Variants in TFAP2D observed in about 807,000 individuals in gnomAD.
TFAP2D encodes transcription factor AP-2 delta.
A neutral mutation model predicts 43.6 loss-of-function variants in TFAP2D; 9 were observed. The observed-to-expected ratio is 0.21, with a 90% CI of 0.12 to 0.36. The LOEUF (loss-of-function observed/expected upper bound fraction) is 0.36. Among genes scored for constraint, TFAP2D ranks in the 10% least tolerant of loss-of-function variants. The pLI, the probability that TFAP2D is intolerant of heterozygous loss-of-function variation, is 1.00. For synonymous variants in TFAP2D, 256 were observed against 224.9 expected (o/e 1.14, Z -1.24); for missense variants, 513 against 561.4 (o/e 0.91, Z 0.87).
intron 7 of TFAP2D, among the ~76,000 whole-genome samples, chr6:50,766,035 G>C (rs535327708): frequency 1.3e-5 from 2 of 152,258 alleles, no homozygotes; most frequent in East Asian, 3.9e-4. Flanking sequence ...TCATTTCTGT[G>C]TATGGTGTAT....
At chr6:50,739,952 C>T (rs995942471) in intron 5 of TFAP2D, among the ~76,000 whole-genome samples, 1 of 152,120 alleles carries the variant, frequency 6.6e-6, no homozygotes, top group African/African-American at 2.4e-5. Flanking sequence ...GGCCATAGAT[C>T]GTATGATGTA....
At chr6:50,740,858 GT>G (rs999405770) in intron 5 of TFAP2D, among the ~76,000 whole-genome samples, 2 of 152,140 alleles carry the variant, frequency 1.3e-5, no homozygotes, top group African/African-American at 2.4e-5. Flanking sequence ...ACAATGTGCA[GT>G]TTTTCCTTAA....
intron 7 of TFAP2D, among the ~76,000 whole-genome samples, chr6:50,762,408 G>A (rs889110169): frequency 6.6e-6 from 1 of 151,642 alleles, no homozygotes; most frequent in Non-Finnish European, 1.5e-5. Context: ...CTACACACAC[G>A]AGTGCAAAAT....
intron 5 of TFAP2D, among the ~76,000 whole-genome samples, chr6:50,743,768 G>A (rs1769086482): frequency 6.6e-6 from 1 of 151,576 alleles, no homozygotes; most frequent in Non-Finnish European, 1.5e-5. Context: ...ATTTTTTCCT[G>A]GTACTTGTAA....
intron 7 of TFAP2D, among the ~76,000 whole-genome samples, chr6:50,769,058 AT>A (rs201025108): frequency 0.041 from 6,072 of 148,372 alleles, 144 homozygotes; most frequent in Middle Eastern, 0.1. Context: ...CACCCGGCTA[AT>A]TTTTTTTTTG....
intron 5 of TFAP2D, among the ~76,000 whole-genome samples, chr6:50,729,725 G>A (rs182564937): frequency 2.0e-5 from 3 of 152,222 alleles, no homozygotes; most frequent in East Asian, 3.9e-4. Flanking sequence ...GTTCACAGGG[G>A]TCTAGGCATG....
intron 7 of TFAP2D, among the ~76,000 whole-genome samples, chr6:50,757,491 A>T (rs1769292612): frequency 1.0e-5 from 1 of 96,280 alleles, no homozygotes; most frequent in Admixed American, 1.5e-4. Context: ...ATATATATAT[A>T]ATATATATAA....
chr6:50,720,943 G>A (rs1035365905), intron 3 of TFAP2D, among the ~76,000 whole-genome samples: 1 of 152,186 alleles, frequency 6.6e-6, no homozygotes, highest in African/African-American at 2.4e-5. Context: ...TAAGATACCT[G>A]ACAGAGGGTG....
chr6:50,772,942 A>G lies in TFAP2D; in HGVS notation c.*78A>G. ...AATATATATATCATTGAGGGTGACT[A>G]ATCTTCAGTGGACCAAATCTCTACC... On this transcript the variant is annotated 3_prime_UTR_variant, in exon 8 of 8. Coordinates refer to ENST00000008391, the MANE Select transcript of TFAP2D (RefSeq NM_172238.4). The G allele has an allele frequency of 1.5e-6, 2 of 1,329,174 alleles. No individual in the cohort carries two copies. The highest frequency in any genetic ancestry group is 2.1e-6 in the Non-Finnish European group (2 of 962,358). The allele number at this position is 1,329,174 out of a possible 1,614,324, so 82.3% of individuals were successfully genotyped here.
intron 7 of TFAP2D, among the ~76,000 whole-genome samples, chr6:50,766,654 CTTTTTTTTTT>C (rs763018088): frequency 0.11 from 6,375 of 57,678 alleles, 587 homozygotes; most frequent in African/African-American, 0.29. Flanking sequence ...AGATTGCTTT[CTTTTTTTTTT>C]TTTTTTTTTT....
chr6:50,767,890 A>G (rs1769466368), intron 7 of TFAP2D, among the ~76,000 whole-genome samples: 1 of 152,230 alleles, frequency 6.6e-6, no homozygotes, highest in African/African-American at 2.4e-5. Context: ...TCTTTTACAA[A>G]TGTAGCATAG....
intron 7 of TFAP2D, among the ~76,000 whole-genome samples, chr6:50,759,999 C>T (rs1287032907): frequency 1.3e-5 from 2 of 151,972 alleles, no homozygotes; most frequent in African/African-American, 2.4e-5. Flanking sequence ...TCTCTGAAAG[C>T]GTTTCATGGC....
chr6:50,765,731 G>A (rs982826751), intron 7 of TFAP2D, among the ~76,000 whole-genome samples: 7 of 151,500 alleles, frequency 4.6e-5, no homozygotes, highest in African/African-American at 1.7e-4. Context: ...TTCCTATTGA[G>A]TTGCATGAGC....
chr6:50,732,163 AG>A lies in TFAP2D; in HGVS notation c.883+2852del, dbSNP rs568378815. 6.8e-4 allele frequency among the ~76,000 whole-genome samples: 103 copies of A among 152,202 alleles called. 1 individual carries two copies. The South Asian group carries it at 0.021, about 31-fold the overall frequency. On this transcript the variant is annotated intron_variant, in intron 5 of 7. Transcript: ENST00000008391. ...TCAAAAATTCAAAAACTAGATTTTT[AG>A]TATCTAAAACAGGCCATTGGCTTTC...
intron 7 of TFAP2D, among the ~76,000 whole-genome samples, chr6:50,772,396 A>G (rs921394783): frequency 6.6e-5 from 10 of 151,976 alleles, no homozygotes; most frequent in Non-Finnish European, 1.3e-4. Flanking sequence ...ATAATAAAAT[A>G]TATATATAAA....
rs189437063 is a variant in TFAP2D, at chr6:50,728,715, C to A, written c.599-141C>A. 4.0e-6 allele frequency: 3 copies of A among 744,370 alleles called. No individual in the cohort carries two copies. In the East Asian group the frequency reaches 7.9e-5, roughly 20 times the overall value. 46.1% of individuals were successfully genotyped at this position (744,370 alleles called of 1,614,324 possible). ...TTGAAAGAACATTTAGAGCAGCTCC[C>A]TGCGATGATCTGGGGGATATATAAG... On this transcript the variant is annotated intron_variant, in intron 3 of 7. Coordinates refer to ENST00000008391, the MANE Select transcript of TFAP2D (RefSeq NM_172238.4).
chr6:50,729,348 G>T (rs778860184), intron 5 of TFAP2D, 36 bp downstream of exon 5: 3 of 1,561,428 alleles, frequency 1.9e-6, no homozygotes, highest in Non-Finnish European at 1.8e-6. Flanking sequence ...AATGCTGGAA[G>T]GTTGGCGTGT....
intron 5 of TFAP2D, among the ~76,000 whole-genome samples, chr6:50,743,340 T>A (rs143460973): frequency 2.7e-3 from 400 of 150,874 alleles, no homozygotes; most frequent in African/African-American, 9.4e-3. Flanking sequence ...CTTGTGAGAA[T>A]GAAAAAAATA....
intron 5 of TFAP2D, among the ~76,000 whole-genome samples, chr6:50,742,489 T>C (rs1418321461): frequency 2.0e-5 from 3 of 151,894 alleles, no homozygotes; most frequent in African/African-American, 7.3e-5. Flanking sequence ...CTGTTTTACC[T>C]CTCCCACTAT....
Sources: allele counts gnomAD v4.1 joint callset (sites outside exome capture counted in the v4.1 genomes callset), GRCh38; gene constraint gnomAD v4.1.1; transcripts MANE v1.5; gene names NCBI Gene and HGNC (gene_info 2026-07-23, HGNC 2026-07-21).